Variants in GRIK2 observed in about 807,000 individuals in gnomAD.
GRIK2 encodes the protein glutamate ionotropic receptor kainate type subunit 2, also known as glutamate receptor ionotropic, kainate 2.
A neutral mutation model predicts 100.3 loss-of-function variants in GRIK2; 32 were observed. The observed-to-expected ratio is 0.32, with a 90% CI of 0.24 to 0.43. The LOEUF (loss-of-function observed/expected upper bound fraction) is 0.43. GRIK2 is among the 20% of genes least tolerant of loss of function. The probability of loss-of-function intolerance (pLI) is 1.00; values close to 1 mark genes in which losing one functional copy is unlikely to be tolerated. For synonymous variants in GRIK2, 417 were observed against 389.4 expected (o/e 1.07, Z -0.83); for missense variants, 843 against 1,114.9 (o/e 0.76, Z 3.47).
chr6:101,792,899 G>C (rs1372733103), intron 7 of GRIK2, among the ~76,000 whole-genome samples: 1 of 152,036 alleles, frequency 6.6e-6, no homozygotes. Flanking sequence ...TGGAGGCTTT[G>C]TTCATTTCTT....
intron 7 of GRIK2, among the ~76,000 whole-genome samples, chr6:101,748,148 A>G (rs9485539): frequency 0.22 from 33,387 of 152,114 alleles, 4,909 homozygotes; most frequent in African/African-American, 0.41. Context: ...AATGGAAAGT[A>G]CATATCTGAA....
chr6:101,485,354 T>A (rs2128263572), intron 2 of GRIK2, among the ~76,000 whole-genome samples: 1 of 152,326 alleles, frequency 6.6e-6, no homozygotes, highest in Non-Finnish European at 1.5e-5. Flanking sequence ...GCATTTCTTT[T>A]GCATTGCATT....
intron 7 of GRIK2, among the ~76,000 whole-genome samples, chr6:101,734,787 T>C (rs1012598945): frequency 6.6e-5 from 10 of 152,154 alleles, no homozygotes; most frequent in African/African-American, 1.9e-4. Context: ...CTGATTACTA[T>C]TATTATTTTT....
intron 14 of GRIK2, among the ~76,000 whole-genome samples, chr6:102,013,779 C>T (rs1795676055): frequency 6.6e-6 from 1 of 152,050 alleles, no homozygotes; most frequent in Non-Finnish European, 1.5e-5. Context: ...AGGGAAAATG[C>T]CTACTTGATT....
At chr6:101,495,952 C>A (rs1773420674) in intron 2 of GRIK2, among the ~76,000 whole-genome samples, 1 of 151,508 alleles carries the variant, frequency 6.6e-6, no homozygotes. Flanking sequence ...TTTTTCTTTT[C>A]TTTTTTATTT....
chr6:101,821,696 T>C (rs1225913154), intron 10 of GRIK2, among the ~76,000 whole-genome samples: 1 of 152,142 alleles, frequency 6.6e-6, no homozygotes, highest in East Asian at 1.9e-4. Context: ...CTTCAACATA[T>C]CCATAGTCAA....
At chr6:102,006,311 A>ATAGT (rs139976313) in intron 14 of GRIK2, among the ~76,000 whole-genome samples, 15,802 of 149,212 alleles carry the variant, frequency 0.11, 2,358 homozygotes, top group African/African-American at 0.34. Flanking sequence ...TCTTGGTACA[A>ATAGT]TAGTTAGGAA....
chr6:101,452,395 C>T (rs1282264032), intron 2 of GRIK2, among the ~76,000 whole-genome samples: 1 of 151,650 alleles, frequency 6.6e-6, no homozygotes, highest in East Asian at 1.9e-4. Flanking sequence ...TGAGGTTTCA[C>T]CCAAATACAT....
intron 14 of GRIK2, among the ~76,000 whole-genome samples, chr6:102,003,874 A>G (rs1795074585): frequency 6.6e-6 from 1 of 151,774 alleles, no homozygotes; most frequent in African/African-American, 2.4e-5. Flanking sequence ...AAAATTCTAT[A>G]GTGCTTAGCA....
At chr6:102,017,898 C>T (rs1476052816) in intron 14 of GRIK2, among the ~76,000 whole-genome samples, 1 of 152,140 alleles carries the variant, frequency 6.6e-6, no homozygotes, top group African/African-American at 2.4e-5. Context: ...TTCTATCCCT[C>T]TGCTTACATT....
At chr6:101,866,050 C>T (rs1297380435) in intron 11 of GRIK2, among the ~76,000 whole-genome samples, 2 of 152,006 alleles carry the variant, frequency 1.3e-5, no homozygotes, top group East Asian at 1.9e-4. Flanking sequence ...TTTATAATTT[C>T]CTATGACCCC....
chr6:101,753,722 T>C (rs1303652198), intron 7 of GRIK2, among the ~76,000 whole-genome samples: 1 of 152,104 alleles, frequency 6.6e-6, no homozygotes, highest in Non-Finnish European at 1.5e-5. Flanking sequence ...CTATTTTTGC[T>C]GCATGATAAT....
At chr6:101,459,778 T>A (rs1235868444) in intron 2 of GRIK2, among the ~76,000 whole-genome samples, 1 of 151,084 alleles carries the variant, frequency 6.6e-6, no homozygotes, top group Admixed American at 6.6e-5. Context: ...ACACATCTCT[T>A]GCTTTTTTTT....
intron 2 of GRIK2, among the ~76,000 whole-genome samples, chr6:101,580,720 C>T (rs1275945881): frequency 1.3e-5 from 2 of 152,114 alleles, no homozygotes; most frequent in Non-Finnish European, 2.9e-5. Context: ...CTTCCTTTCT[C>T]AGCCTCTGTG....
intron 9 of GRIK2, among the ~76,000 whole-genome samples, chr6:101,816,564 G>A (rs1481666860): frequency 3.9e-5 from 6 of 152,008 alleles, no homozygotes; most frequent in African/African-American, 9.7e-5. Context: ...GTTGGCGGGC[G>A]CCTGCAGTCC....
chr6:101,943,327 C>A (rs915332705), intron 14 of GRIK2, among the ~76,000 whole-genome samples: 1 of 152,192 alleles, frequency 6.6e-6, no homozygotes, highest in Non-Finnish European at 1.5e-5. Context: ...CATGGAAAAC[C>A]TGCAGTAGGT....
chr6:101,413,801 T>A (rs1173351283), intron 2 of GRIK2, among the ~76,000 whole-genome samples: 1 of 152,128 alleles, frequency 6.6e-6, no homozygotes, highest in Non-Finnish European at 1.5e-5. Context: ...ACATTTAGAG[T>A]TTATACTATG....
At chr6:102,008,520 A>G (rs892909958) in intron 14 of GRIK2, among the ~76,000 whole-genome samples, 3 of 152,154 alleles carry the variant, frequency 2.0e-5, no homozygotes, top group African/African-American at 7.2e-5. Flanking sequence ...ATTACAATTA[A>G]CAAAGAAGAC....
chr6:101,762,145 C>T lies in GRIK2; in HGVS notation c.952-37503C>T, dbSNP rs1396687779. 3.1e-4 allele frequency among the ~76,000 whole-genome samples: 45 copies of T among 143,476 alleles called. 1 individual carries two copies. Among genetic ancestry groups the T allele is most frequent in the African/African-American group, 1.2e-3 (43 of 36,112 alleles). The allele number at this position is 143,476 out of a possible 152,430, so 94.1% of individuals were successfully genotyped here. Reference sequence around the variant, plus strand: ...CCTTCCTTTCCTTCCTCCCTCCCTTCCTCTTCCTCTGTCTCTGTCTCTGTC... The same window carrying T: ...CCTTCCTTTCCTTCCTCCCTCCCTTTCTCTTCCTCTGTCTCTGTCTCTGTC... On this transcript the variant is annotated intron_variant, in intron 7 of 16. Coordinates refer to ENST00000369134, the MANE Select transcript of GRIK2 (RefSeq NM_021956.5).
Sources: gnomAD v4.1 joint callset for allele counts (sites outside exome capture counted in the v4.1 genomes callset) on GRCh38, gnomAD v4.1.1 for gene constraint, MANE v1.5 for transcripts, NCBI Gene and HGNC (gene_info 2026-07-23, HGNC 2026-07-21) for gene names.